Variants in THSD7B observed in about 807,000 individuals in gnomAD.
The protein encoded by THSD7B is thrombospondin type-1 domain-containing protein 7B.
In THSD7B, 138 loss-of-function variants were observed where a neutral mutation model predicts 213.6. The observed-to-expected ratio is 0.65, with a 90% confidence interval of 0.56 to 0.74. The LOEUF is 0.74. Ranked by LOEUF, THSD7B falls within the 30% of genes least tolerant of loss-of-function variation. THSD7B has a pLI of 0.00. For missense variants in THSD7B, 1,931 were observed against 1,991.5 expected (o/e 0.97, Z 0.58); for synonymous variants, 742 against 687.0 (o/e 1.08, Z -1.25).
chr2:136,942,758 G>A (rs185238890), intron 2 of THSD7B, among the ~76,000 whole-genome samples: 2 of 152,288 alleles, frequency 1.3e-5, no homozygotes, highest in East Asian at 1.9e-4. Flanking sequence ...GGGCTGAGAC[G>A]ATGGGGTTTT....
intron 2 of THSD7B, among the ~76,000 whole-genome samples, chr2:136,942,703 A>T (rs1459943518): frequency 6.6e-6 from 1 of 152,180 alleles, no homozygotes; most frequent in East Asian, 1.9e-4. Flanking sequence ...TTGATTTTAT[A>T]TCCTGAGACT....
chr2:136,864,524 A>G (rs1300130588), intron 1 of THSD7B, among the ~76,000 whole-genome samples: 2 of 151,914 alleles, frequency 1.3e-5, no homozygotes, highest in African/African-American at 4.8e-5. Context: ...TAAACATATC[A>G]TATTTCTTTT....
chr2:136,784,674 T>G (rs988400592), intron 1 of THSD7B, among the ~76,000 whole-genome samples: 4 of 152,194 alleles, frequency 2.6e-5, no homozygotes, highest in Admixed American at 6.5e-5. Flanking sequence ...TTCAAAGGTG[T>G]TATATACAAG....
chr2:137,313,875 T>C (rs974861724), intron 12 of THSD7B, among the ~76,000 whole-genome samples: 1 of 152,240 alleles, frequency 6.6e-6, no homozygotes, highest in South Asian at 2.1e-4. Flanking sequence ...CCGAGAGATC[T>C]GCTGTTAGTC....
At chr2:137,320,474 A>T (rs966476140) in intron 12 of THSD7B, among the ~76,000 whole-genome samples, 6 of 152,186 alleles carry the variant, frequency 3.9e-5, no homozygotes, top group Admixed American at 3.9e-4. Context: ...TGAGGAAATG[A>T]CATTAAATGT....
chr2:137,295,216 T>C (rs1040362961), intron 12 of THSD7B, among the ~76,000 whole-genome samples: 1 of 152,168 alleles, frequency 6.6e-6, no homozygotes, highest in Non-Finnish European at 1.5e-5. Context: ...CAACCAGCAG[T>C]ATCATAACAA....
intron 7 of THSD7B, among the ~76,000 whole-genome samples, chr2:137,183,664 T>A (rs1019186872): frequency 6.6e-6 from 1 of 151,978 alleles, no homozygotes; most frequent in African/African-American, 2.4e-5. Context: ...AGGGAGGAAA[T>A]TTTGTGGCCT....
chr2:137,095,347 C>T lies in THSD7B; in HGVS notation c.1199+226C>T, dbSNP rs145402571. On this transcript the variant is annotated intron_variant, in intron 4 of 27. Coordinates refer to ENST00000409968, the MANE Select transcript of THSD7B (RefSeq NM_001316349.2). ...GACTTTCTAATTATACAAATTTCTT[C>T]AAGTACTTAATTAGAGTGCCTTAGT... is the stretch of plus-strand genomic sequence containing the variant. Among the ~76,000 whole-genome samples, 4 of 152,262 alleles carry T rather than the reference C, an allele frequency of 2.6e-5. No individual in the cohort carries two copies. In the East Asian group the frequency reaches 7.7e-4, roughly 29 times the overall value.
intron 1 of THSD7B, among the ~76,000 whole-genome samples, chr2:136,802,504 C>T (rs370784726): frequency 6.6e-6 from 1 of 151,304 alleles, no homozygotes; most frequent in Non-Finnish European, 1.5e-5. Context: ...AGTTGGCCCT[C>T]CTGAGAGGAT....
intron 10 of THSD7B, among the ~76,000 whole-genome samples, chr2:137,271,253 C>T (rs1401603852): frequency 3.3e-5 from 5 of 151,128 alleles, no homozygotes; most frequent in South Asian, 4.2e-4. Context: ...CACCCAGAGC[C>T]GTACTCACAT....
chr2:137,280,334 C>A (rs1248500998), intron 12 of THSD7B, among the ~76,000 whole-genome samples: 1 of 152,098 alleles, frequency 6.6e-6, no homozygotes, highest in Non-Finnish European at 1.5e-5. Flanking sequence ...TTCAGACCAG[C>A]CCATCAATAC....
At chr2:137,609,330 A>G (rs1378112711) in intron 17 of THSD7B, among the ~76,000 whole-genome samples, 1 of 152,224 alleles carries the variant, frequency 6.6e-6, no homozygotes, top group African/African-American at 2.4e-5. Flanking sequence ...GAAGACAAGG[A>G]GTAACATGGA....
In THSD7B at chr2:136,997,893, C is replaced by T. The variant is rs372071715; in HGVS notation, c.140-58527C>T. 1.4e-4 allele frequency among the ~76,000 whole-genome samples: 22 copies of T among 152,064 alleles called. No homozygotes were observed. In the East Asian group the frequency reaches 2.3e-3, roughly 16 times the overall value. On this transcript the variant is annotated intron_variant, in intron 2 of 27. Coordinates refer to ENST00000409968, the MANE Select transcript of THSD7B (RefSeq NM_001316349.2). ...GGGAGCTCAGCTTAAGCCAGTCAAG[C>T]GGGAGGACATGGCTAAGACACAAAG...
At chr2:137,468,694 C>G (rs1463532364) in intron 15 of THSD7B, among the ~76,000 whole-genome samples, 1 of 151,758 alleles carries the variant, frequency 6.6e-6, no homozygotes, top group African/African-American at 2.4e-5. Flanking sequence ...ATTATTTTCT[C>G]TGAGTAAATT....
intron 3 of THSD7B, among the ~76,000 whole-genome samples, chr2:137,090,480 T>TTGAGAATTTTA (rs1687930623): frequency 6.6e-6 from 1 of 152,218 alleles, no homozygotes; most frequent in Non-Finnish European, 1.5e-5. Context: ...TTTTATTTTA[T>TTGAGAATTTTA]AAGAGCTTCT....
chr2:137,052,872 T>A (rs1281946776), intron 2 of THSD7B, among the ~76,000 whole-genome samples: 4 of 152,168 alleles, frequency 2.6e-5, no homozygotes, highest in Non-Finnish European at 5.9e-5. Flanking sequence ...TGCTGAAAGG[T>A]CTTGTCTTCA....
chr2:136,956,685 CTT>C (rs563157220), intron 2 of THSD7B, among the ~76,000 whole-genome samples: 3 of 140,742 alleles, frequency 2.1e-5, no homozygotes. Context: ...TTTTTCTTTT[CTT>C]TTTTTTTTTT....
chr2:136,804,403 A>AACACACACACACAC (rs3030361), intron 1 of THSD7B, among the ~76,000 whole-genome samples: 62 of 148,192 alleles, frequency 4.2e-4, no homozygotes, highest in African/African-American at 1.1e-3. Flanking sequence ...ACACACACAT[A>AACACACACACACAC]ACACACACAC....
chr2:137,436,539 G>A (rs1209167607), intron 14 of THSD7B, among the ~76,000 whole-genome samples: 1 of 152,016 alleles, frequency 6.6e-6, no homozygotes, highest in East Asian at 1.9e-4. Flanking sequence ...GCAGTGCATG[G>A]TATTCCATCT....
Sources: gnomAD v4.1 joint callset for allele counts (sites outside exome capture counted in the v4.1 genomes callset) on GRCh38, gnomAD v4.1.1 for gene constraint, MANE v1.5 for transcripts, NCBI Gene and HGNC (gene_info 2026-07-23, HGNC 2026-07-21) for gene names.